Variants in SMARCA5 observed in about 807,000 individuals in gnomAD.
SMARCA5 encodes SWI/SNF-related matrix-associated actin-dependent regulator of chromatin subfamily A member 5.
In SMARCA5, 18 loss-of-function variants were observed where a neutral mutation model predicts 140.4. The observed-to-expected ratio is 0.13, with a 90% CI of 0.09 to 0.19. The LOEUF (loss-of-function observed/expected upper bound fraction) is 0.19. Ranked by LOEUF, SMARCA5 falls within the 10% of genes least tolerant of loss-of-function variation. SMARCA5 has a pLI of 1.00. For missense variants in SMARCA5, 606 were observed against 1,276.8 expected (o/e 0.47, Z 8.01); for synonymous variants, 449 against 419.6 (o/e 1.07, Z -0.86).
At chr4:143,515,856 T>G (rs1281953146) in intron 1 of SMARCA5, among the ~76,000 whole-genome samples, 1 of 152,300 alleles carries the variant, frequency 6.6e-6, no homozygotes, top group Non-Finnish European at 1.5e-5. Flanking sequence ...AAAAAAAACA[T>G]ATTTGGCGGT....
intron 4 of SMARCA5, 47 bp from the exon 5 acceptor site, chr4:143,525,404 G>A (rs1184587643): frequency 8.8e-7 from 1 of 1,131,158 alleles, no homozygotes; most frequent in Middle Eastern, 2.0e-4. Flanking sequence ...AGATTGCCTT[G>A]TATTTCTTGT....
intron 13 of SMARCA5, among the ~76,000 whole-genome samples, chr4:143,540,071 G>T (rs943149144): frequency 6.6e-6 from 1 of 151,994 alleles, no homozygotes; most frequent in East Asian, 1.9e-4. Context: ...TGACAATTTG[G>T]GTTTGATTTA....
chr4:143,521,723 G>A, intron 3 of SMARCA5, 128 bp downstream of exon 3: 1 of 841,892 alleles, frequency 1.2e-6, no homozygotes. Flanking sequence ...GCCCTGTTTG[G>A]CTTGGCATGA....
chr4:143,527,220 T>C (rs1044173251), intron 6 of SMARCA5, among the ~76,000 whole-genome samples: 2 of 152,220 alleles, frequency 1.3e-5, no homozygotes, highest in African/African-American at 4.8e-5. Flanking sequence ...ATGACATTAG[T>C]ATATAAAGCT....
In SMARCA5 at chr4:143,514,060, G is replaced by T; in HGVS notation, c.136G>T (p.Ala46Ser). 6.4e-7 allele frequency: 1 copy of T among 1,562,588 alleles called. No homozygotes were observed. The highest frequency in any genetic ancestry group is 8.6e-7 in the Non-Finnish European group (1 of 1,162,678). Residue 46 changes from alanine (A) to serine (S), a missense_variant, in exon 1 of 24, where the codon GCG becomes TCG. This residue lies in a region of SMARCA5 where 164 missense variants were observed against 128.4 expected (regional missense o/e 1.28). Coordinates refer to ENST00000283131, the MANE Select transcript of SMARCA5 (RefSeq NM_003601.4). ...GPEGVAAQAV[A>S]SAASAGPADA... ...CGAAGGCGTCGCGGCGCAGGCGGTT[G>T]CGTCTGCGGCCAGCGCTGGTCCCGC...
chr4:143,515,488 A>G (rs2149815381), intron 1 of SMARCA5, among the ~76,000 whole-genome samples: 1 of 152,324 alleles, frequency 6.6e-6, no homozygotes, highest in South Asian at 2.1e-4. Flanking sequence ...AATTATGTGT[A>G]AATGTGCAGT....
intron 11 of SMARCA5, among the ~76,000 whole-genome samples, chr4:143,536,982 C>G (rs1295986677): frequency 1.3e-5 from 2 of 152,136 alleles, no homozygotes; most frequent in Non-Finnish European, 2.9e-5. Context: ...GCATCTCCCT[C>G]CCACACATGG....
At chr4:143,516,722 C>T (rs2149815734) in intron 1 of SMARCA5, among the ~76,000 whole-genome samples, 1 of 152,220 alleles carries the variant, frequency 6.6e-6, no homozygotes, top group East Asian at 1.9e-4. Flanking sequence ...ATGAAGATTA[C>T]TTCTGCCAAT....
At chr4:143,528,496 G>A in intron 7 of SMARCA5, 87 bp from the exon 8 acceptor site, 1 of 1,135,474 alleles carries the variant, frequency 8.8e-7, no homozygotes. Context: ...TCATTGTTGG[G>A]CATTTGTGTT....
At chr4:143,518,707 G>GATTTGTTA (rs1455524547) in intron 2 of SMARCA5, among the ~76,000 whole-genome samples, 3 of 151,902 alleles carry the variant, frequency 2.0e-5, no homozygotes, top group Non-Finnish European at 2.9e-5. Context: ...CTTTAGGTTT[G>GATTTGTTA]ATTTGTTATA....
intron 9 of SMARCA5, among the ~76,000 whole-genome samples, chr4:143,531,320 C>T (rs994553935): frequency 3.9e-5 from 6 of 152,208 alleles, no homozygotes; most frequent in Non-Finnish European, 8.8e-5. Flanking sequence ...ATACAGCTTC[C>T]TGTGACGGTT....
intron 16 of SMARCA5, 147 bp from the exon 17 acceptor site, chr4:143,544,590 T>C (rs1416314465): frequency 3.9e-6 from 2 of 509,186 alleles, no homozygotes; most frequent in Non-Finnish European, 7.0e-6. Context: ...TACATAATAT[T>C]GAGCAAAGTA....
At chr4:143,549,151 A>G (rs1296629286) in intron 22 of SMARCA5, among the ~76,000 whole-genome samples, 2 of 152,140 alleles carry the variant, frequency 1.3e-5, no homozygotes, top group Admixed American at 1.3e-4. Context: ...TAACTAGTAC[A>G]GTACCGTAAT....
intron 2 of SMARCA5, among the ~76,000 whole-genome samples, chr4:143,519,659 T>G (rs1736915156): frequency 1.3e-5 from 2 of 152,190 alleles, no homozygotes; most frequent in African/African-American, 4.8e-5. Context: ...CCTTGTCATC[T>G]GCTAGTTCTA....
chr4:143,533,822 T>C (rs1737248189), intron 9 of SMARCA5, among the ~76,000 whole-genome samples: 1 of 152,242 alleles, frequency 6.6e-6, no homozygotes. Flanking sequence ...TAACTAGTTT[T>C]AGACCTGAAA....
At chr4:143,534,402 G>A (rs79674602) in intron 9 of SMARCA5, among the ~76,000 whole-genome samples, 2,877 of 151,964 alleles carry the variant, frequency 0.019, 177 homozygotes, top group East Asian at 0.18. Context: ...AATCAACTAT[G>A]GATTGGAAAT....
intron 6 of SMARCA5, 76 bp from the exon 7 acceptor site, chr4:143,527,792 C>G: frequency 2.4e-6 from 3 of 1,242,550 alleles, no homozygotes; most frequent in South Asian, 2.8e-5. Flanking sequence ...TTTTTATATA[C>G]TAGATTACTT....
chr4:143,523,268 C>A (rs1023483170), intron 3 of SMARCA5, among the ~76,000 whole-genome samples: 3 of 152,110 alleles, frequency 2.0e-5, no homozygotes, highest in African/African-American at 7.2e-5. Flanking sequence ...CTCAAGTGAT[C>A]CACCCACCTC....
In SMARCA5 at chr4:143,548,083, T is replaced by A; in HGVS notation, c.2928T>A (p.Cys976Ter). 6.2e-7 allele frequency: 1 copy of A among 1,612,774 alleles called. No individual in the cohort carries two copies. The highest frequency in any genetic ancestry group is 1.1e-5 in the South Asian group (1 of 91,014). Residue 976 changes from cysteine (C) to a stop codon, truncating the protein, a stop_gained, in exon 22 of 24, where the codon TGT (cysteine) becomes TGA (stop). Coordinates refer to ENST00000283131, the MANE Select transcript of SMARCA5 (RefSeq NM_003601.4). LOFTEE classifies it high-confidence loss of function. ...ATGTTTATGATGAATTGCGACAGTG[T>A]ATTCGCAACTCTCCTCAGTTCAGAT... ...KENVYDELRQ[C>*]IRNSPQFRFD...
Sources: allele counts gnomAD v4.1 joint callset (sites outside exome capture counted in the v4.1 genomes callset), GRCh38; gene constraint gnomAD v4.1.1; regional missense constraint gnomAD v4.1.1; transcripts MANE v1.5; gene names NCBI Gene and HGNC (gene_info 2026-07-23, HGNC 2026-07-21).